CHIC2: variants seen among roughly 807,000 people sequenced by gnomAD.
CHIC2 encodes cysteine rich hydrophobic domain 2.
CHIC2 carries 14 observed loss-of-function variants against 25.9 expected under a neutral mutation model. The ratio of observed to expected loss-of-function variants is 0.54; its 90% CI spans 0.36 to 0.85. The LOEUF (loss-of-function observed/expected upper bound fraction) is 0.85, where lower values mean the gene tolerates loss of function less well. Ranked by LOEUF, CHIC2 falls within the 40% of genes least tolerant of loss-of-function variation. The pLI is 0.01. For synonymous variants in CHIC2, 70 were observed against 72.0 expected (o/e 0.97, Z 0.14); for missense variants, 146 against 202.0 (o/e 0.72, Z 1.68).
At chr4:54,023,579 A>C (rs1577966226) in intron 3 of CHIC2, among the ~76,000 whole-genome samples, 1 of 151,934 alleles carries the variant, frequency 6.6e-6, no homozygotes, top group Non-Finnish European at 1.5e-5. Context: ...CCATTTCCCC[A>C]TATTTCCTTC....
intron 3 of CHIC2, among the ~76,000 whole-genome samples, chr4:54,019,626 A>C (rs926470569): frequency 6.6e-6 from 1 of 152,216 alleles, no homozygotes; most frequent in Non-Finnish European, 1.5e-5. Context: ...AAACATGTAC[A>C]CAAACATGCA....
intron 3 of CHIC2, among the ~76,000 whole-genome samples, chr4:54,030,509 T>A: frequency 2.2e-5 from 3 of 136,806 alleles, no homozygotes; most frequent in Admixed American, 7.6e-5. Context: ...GGCAAGAGAG[T>A]CCCTATCTCA....
the CHIC2 span, among the ~76,000 whole-genome samples, chr4:54,085,647 A>C: frequency 6.6e-6 from 1 of 152,224 alleles, no homozygotes; most frequent in Admixed American, 6.5e-5. Flanking sequence ...AAACAAGAGG[A>C]TGTGGCCATT....
At chr4:54,085,001 A>G in the CHIC2 span, among the ~76,000 whole-genome samples, 3 of 151,368 alleles carry the variant, frequency 2.0e-5, no homozygotes, top group Non-Finnish European at 4.4e-5. Flanking sequence ...TAGCATAGAG[A>G]CAAAATCTGT....
chr4:54,080,149 T>G, the CHIC2 span, among the ~76,000 whole-genome samples: 1 of 146,832 alleles, frequency 6.8e-6, no homozygotes, highest in Non-Finnish European at 1.5e-5. Context: ...TGTATATATG[T>G]GTATATGTAT....
chr4:54,026,877 A>G (rs1305446225), intron 3 of CHIC2, among the ~76,000 whole-genome samples: 1 of 152,176 alleles, frequency 6.6e-6, no homozygotes, highest in Non-Finnish European at 1.5e-5. Context: ...TATATTTTAC[A>G]TACATTTGTT....
chr4:54,022,044 G>A (rs575712656), intron 3 of CHIC2, among the ~76,000 whole-genome samples: 1 of 152,250 alleles, frequency 6.6e-6, no homozygotes, highest in East Asian at 1.9e-4. Flanking sequence ...GCTGCCAGGG[G>A]TTCCTCCAGA....
chr4:54,087,002 G>C, the CHIC2 span: 1 of 996,310 alleles, frequency 1.0e-6, no homozygotes, highest in Non-Finnish European at 1.6e-6. Context: ...AAACCAACTA[G>C]AAGCAACATG....
At chr4:54,063,486 T>C (rs1029436991) in intron 1 of CHIC2, among the ~76,000 whole-genome samples, 1 of 152,248 alleles carries the variant, frequency 6.6e-6, no homozygotes, top group African/African-American at 2.4e-5. Context: ...CTTTCCAAAT[T>C]AACAAGCCCC....
At chr4:54,022,108 G>A (rs544554208) in intron 3 of CHIC2, among the ~76,000 whole-genome samples, 2 of 152,218 alleles carry the variant, frequency 1.3e-5, no homozygotes, top group South Asian at 4.1e-4. Context: ...ACTGAGCCAA[G>A]GAATGCCCTG....
intron 1 of CHIC2, among the ~76,000 whole-genome samples, chr4:54,056,463 A>G (rs1293702632): frequency 3.3e-5 from 5 of 152,190 alleles, no homozygotes; most frequent in Non-Finnish European, 5.9e-5. Context: ...ACTCATTTCA[A>G]GTAACATTTA....
intron 3 of CHIC2, among the ~76,000 whole-genome samples, chr4:54,031,742 TCTGAGTAGCTG>T (rs1265339169): frequency 4.6e-5 from 7 of 151,406 alleles, no homozygotes; most frequent in Non-Finnish European, 8.8e-5. Flanking sequence ...GTCTCAGCCT[TCTGAGTAGCTG>T]GGATTACAGG....
chr4:54,080,940 GTGTATATATATATA>G, the CHIC2 span, among the ~76,000 whole-genome samples: 1 of 71,182 alleles, frequency 1.4e-5, no homozygotes, highest in African/African-American at 6.1e-5. Flanking sequence ...CAATGTGTGT[GTGTATATATATATA>G]TATATATATA....
At chr4:54,032,721 A>T (rs1360214095) in intron 3 of CHIC2, among the ~76,000 whole-genome samples, 1 of 152,234 alleles carries the variant, frequency 6.6e-6, no homozygotes, top group Non-Finnish European at 1.5e-5. Context: ...CAATCCATAG[A>T]AATGCATTTA....
At chr4:54,079,566 A>C in the CHIC2 span, among the ~76,000 whole-genome samples, 1 of 152,168 alleles carries the variant, frequency 6.6e-6, no homozygotes, top group Non-Finnish European at 1.5e-5. Context: ...ATACAACTCA[A>C]TAGTGAAAGA....
intron 5 of CHIC2, among the ~76,000 whole-genome samples, chr4:54,011,537 G>T (rs982610799): frequency 1.3e-5 from 2 of 151,974 alleles, no homozygotes; most frequent in South Asian, 4.1e-4. Context: ...AAACTACTTA[G>T]GAGTCAACAT....
chr4:54,040,345 T>C (rs1194485017), intron 3 of CHIC2, among the ~76,000 whole-genome samples: 1 of 152,146 alleles, frequency 6.6e-6, no homozygotes, highest in Non-Finnish European at 1.5e-5. Context: ...GGCAGGCAGA[T>C]CACCAGAGGT....
intron 1 of CHIC2, among the ~76,000 whole-genome samples, chr4:54,056,769 T>C (rs749732151): frequency 2.6e-5 from 4 of 152,212 alleles, no homozygotes; most frequent in Non-Finnish European, 1.5e-5. Context: ...TTTCAGCTCC[T>C]ACGGATGCAA....
intron 3 of CHIC2, among the ~76,000 whole-genome samples, chr4:54,030,916 T>C (rs926955605): frequency 2.0e-5 from 3 of 150,854 alleles, no homozygotes; most frequent in African/African-American, 7.3e-5. Flanking sequence ...CACTGTCGTC[T>C]AGGCTGGAGT....
Sources: gnomAD v4.1 joint callset for allele counts (sites outside exome capture counted in the v4.1 genomes callset) on GRCh38, gnomAD v4.1.1 for gene constraint, MANE v1.5 for transcripts, NCBI Gene and HGNC (gene_info 2026-07-23, HGNC 2026-07-21) for gene names.